Variants in BSCL2 observed in about 807,000 individuals in gnomAD.
The protein encoded by BSCL2 is seipin.
In BSCL2, 41 loss-of-function variants were observed where a neutral mutation model predicts 57.4. That is an observed-to-expected ratio of 0.71 (90% CI 0.56 to 0.93). The LOEUF (loss-of-function observed/expected upper bound fraction) is 0.93, where lower values mean the gene tolerates loss of function less well. Among genes scored for constraint, BSCL2 ranks in the 40% least tolerant of loss-of-function variants. BSCL2 has a pLI of 0.00. For synonymous variants in BSCL2, 237 were observed against 227.3 expected (o/e 1.04, Z -0.38); for missense variants, 539 against 586.7 (o/e 0.92, Z 0.84).
chr11:62,705,271 T>C, intron 2 of BSCL2, 30 bp downstream of exon 2: 3 of 1,567,376 alleles, frequency 1.9e-6, no homozygotes, highest in Non-Finnish European at 2.6e-6. Context: ...CCCATAGGAG[T>C]CCTCTATTTT....
At chr11:62,704,827 G>A (rs1177901935) in intron 2 of BSCL2, among the ~76,000 whole-genome samples, 4 of 152,188 alleles carry the variant, frequency 2.6e-5, no homozygotes, top group Non-Finnish European at 5.9e-5. Flanking sequence ...AAGACTCTCT[G>A]GGAAGCAAGT....
upstream of BSCL2, chr11:62,707,843 AT>A (rs1402303942): frequency 1.2e-5 from 3 of 251,412 alleles, no homozygotes; most frequent in Non-Finnish European, 1.6e-5. Context: ...TGGGGCACCC[AT>A]TTCAGGCAGA....
At chr11:62,698,032 C>T (rs112742722) in intron 3 of BSCL2, among the ~76,000 whole-genome samples, 1,678 of 151,072 alleles carry the variant, frequency 0.011, 27 homozygotes, top group African/African-American at 0.039. Flanking sequence ...CTCAGTCTCC[C>T]GAGTAGCTAG....
At chr11:62,702,016 T>C (rs192372512) in intron 3 of BSCL2, among the ~76,000 whole-genome samples, 26 of 152,074 alleles carry the variant, frequency 1.7e-4, no homozygotes, top group African/African-American at 5.8e-4. Context: ...GAAAGATCCA[T>C]CAATACACAC....
rs1438581965 is a variant in BSCL2 at position 62,694,716 on chromosome 11, C to T, written c.487-5G>A. On this transcript the variant is annotated splice_polypyrimidine_tract_variant and splice_region_variant and intron_variant, in intron 3 of 10. Transcript: ENST00000360796. ...CGGCTGTCCATACATCAGCACCTGC[C>T]AAAGGTAGCCCCCATTTCTTTAAAA... 6.2e-7 allele frequency: 1 copy of T among 1,613,988 alleles called. No individual in the cohort carries two copies. Among genetic ancestry groups the T allele is most frequent in the Non-Finnish European group, 8.5e-7 (1 of 1,179,956 alleles).
intron 2 of BSCL2, among the ~76,000 whole-genome samples, chr11:62,704,226 C>G (rs1296506864): frequency 6.6e-6 from 1 of 151,642 alleles, no homozygotes; most frequent in African/African-American, 2.4e-5. Context: ...GCGGATGGAT[C>G]ACCTGCATTC....
Position 62,707,166 on chromosome 11 carries a change from C to T in BSCL2, c.30G>A (p.Glu10=). The T allele has an allele frequency of 6.4e-7, 1 of 1,554,254 alleles. No homozygotes were observed. Among genetic ancestry groups the T allele is most frequent in the Non-Finnish European group, 8.7e-7 (1 of 1,147,748 alleles). ...CGCACACCTCTTTTTCCCCAGCTTC[C>T]TCCTTTTGGTCTACCTTTTCTGTAG... The part of the protein sequence containing the change: MSTEKVDQK[E]EAGEKEVCGD... Residue 10 remains glutamate (E), a synonymous_variant, in exon 1 of 11, where the codon GAG becomes GAA. Transcript: ENST00000360796.
In BSCL2 at chr11:62,707,189, T is replaced by C. The variant is rs754277392; in HGVS notation, c.7A>G (p.Thr3Ala). The C allele has an allele frequency of 1.3e-6, 2 of 1,552,976 alleles. No homozygotes were observed. The highest frequency in any genetic ancestry group is 1.2e-5 in the South Asian group (1 of 84,138). Residue 3 changes from threonine to alanine, a missense_variant, in exon 1 of 11, where the codon ACA becomes GCA. Thr to Ala is a moderately conservative substitution (Grantham distance 58, BLOSUM62 0). This residue lies in a region of BSCL2 where 218 missense variants were observed against 224.8 expected (regional missense o/e 0.97). Transcript: ENST00000360796. The part of the protein sequence containing the change: MS[T>A]EKVDQKEEAG... ...TCCTCCTTTTGGTCTACCTTTTCTGTAGACATCTTCCTGACGAGCCTCTGT... is the reference window on the plus strand; with the variant it reads ...TCCTCCTTTTGGTCTACCTTTTCTGCAGACATCTTCCTGACGAGCCTCTGT...
At chr11:62,697,112 C>T (rs990482358) in intron 3 of BSCL2, among the ~76,000 whole-genome samples, 11 of 151,836 alleles carry the variant, frequency 7.2e-5, no homozygotes, top group East Asian at 5.8e-4. Flanking sequence ...AAATCCATGC[C>T]GGCCGGGCGC....
upstream of BSCL2, chr11:62,708,079 C>A (rs1056279527): frequency 1.0e-5 from 6 of 589,052 alleles, no homozygotes; most frequent in Non-Finnish European, 1.8e-5. Context: ...GATCTGTGGC[C>A]CAGGCCATGA....
intron 5 of BSCL2, 95 bp from the exon 6 acceptor site, chr11:62,692,568 T>G: frequency 6.2e-7 from 1 of 1,612,106 alleles, no homozygotes; most frequent in Non-Finnish European, 8.5e-7. Flanking sequence ...GTCTCTCAGT[T>G]GTGATGTCTC....
chr11:62,697,142 C>T (rs55764301), intron 3 of BSCL2, among the ~76,000 whole-genome samples: 1,810 of 152,202 alleles, frequency 0.012, 11 homozygotes, highest in Middle Eastern at 0.048. Context: ...TGCCTGTAAT[C>T]CCAGCACTTT....
upstream of BSCL2, chr11:62,707,434 C>T (rs2083560739): frequency 4.3e-6 from 3 of 697,818 alleles, no homozygotes; most frequent in East Asian, 5.4e-5. Context: ...TGAGCAGGGT[C>T]CCCCGCAGCC....
Position 62,702,501 on chromosome 11 carries a change from G to A in BSCL2, c.453C>T (p.Ala151=). 2 of 1,613,052 alleles carry A rather than the reference G, an allele frequency of 1.2e-6. No individual in the cohort carries two copies. The highest frequency in any genetic ancestry group is 2.2e-5 in the South Asian group (2 of 91,036). Residue 151 remains alanine (A), a synonymous_variant, in exon 3 of 11, where the codon GCC becomes GCT. Transcript: ENST00000360796. ...STTSLCSFPV[A]NVSLTKGGRD... is the part of the protein sequence containing the mutation. The stretch of plus-strand genomic sequence containing the variant: ...GTCCACCCTTAGTCAGCGAGACATT[G>A]GCAACAGGGAAGGAGCAGAGTGAGG...
chr11:62,693,673 AG>A (rs1945370552), intron 4 of BSCL2, among the ~76,000 whole-genome samples: 3 of 152,186 alleles, frequency 2.0e-5, no homozygotes, highest in Non-Finnish European at 4.4e-5. Flanking sequence ...TTTCTGAATG[AG>A]GACACAAGCC....
intron 4 of BSCL2, among the ~76,000 whole-genome samples, chr11:62,694,195 CTTTTTTTTTTTTTTTT>C (rs71056545): frequency 6.4e-5 from 3 of 47,134 alleles, no homozygotes; most frequent in African/African-American, 8.1e-5. Context: ...CCCAGACATT[CTTTTTTTTTTTTTTTT>C]TTTTTTTTTT....
At chr11:62,698,311 G>A (rs1945535891) in intron 3 of BSCL2, among the ~76,000 whole-genome samples, 1 of 152,002 alleles carries the variant, frequency 6.6e-6, no homozygotes, top group South Asian at 2.1e-4. Context: ...CGATTCTCCT[G>A]TCTCAGCCTC....
chr11:62,702,382 A>G (rs531470892), intron 3 of BSCL2, 86 bp downstream of exon 3: 27 of 1,210,720 alleles, frequency 2.2e-5, no homozygotes, highest in Non-Finnish European at 2.9e-5. Flanking sequence ...TTATTACTCA[A>G]TTCCTTCTCT....
intron 3 of BSCL2, among the ~76,000 whole-genome samples, chr11:62,695,626 G>A (rs1169581332): frequency 3.4e-5 from 5 of 148,048 alleles, no homozygotes; most frequent in African/African-American, 5.0e-5. Context: ...CAGGAGAATC[G>A]CTTGAACCCT....
Sources: allele counts gnomAD v4.1 joint callset (sites outside exome capture counted in the v4.1 genomes callset), GRCh38; gene constraint gnomAD v4.1.1; regional missense constraint gnomAD v4.1.1; transcripts MANE v1.5; gene names NCBI Gene and HGNC (gene_info 2026-07-23, HGNC 2026-07-21).